Variants in PCDH15 observed in about 807,000 individuals in gnomAD.
The protein encoded by PCDH15 is protocadherin related 15.
In PCDH15, 129 loss-of-function variants were observed where a neutral mutation model predicts 178.5. The ratio of observed to expected loss-of-function variants is 0.72; its 90% CI spans 0.63 to 0.84. The LOEUF is 0.84. Ranked by LOEUF, PCDH15 falls within the 40% of genes least tolerant of loss-of-function variation. PCDH15 has a pLI of 0.00. For synonymous variants in PCDH15, 800 were observed against 732.0 expected (o/e 1.09, Z -1.50); for missense variants, 2,230 against 2,099.9 (o/e 1.06, Z -1.21).
chr10:54,545,567 G>A (rs181628601), intron 2 of PCDH15, among the ~76,000 whole-genome samples: 25 of 152,132 alleles, frequency 1.6e-4, no homozygotes, highest in African/African-American at 5.8e-4. Flanking sequence ...AGCAAGGAAG[G>A]AGGGAAGGAA....
intron 2 of PCDH15, among the ~76,000 whole-genome samples, chr10:55,447,214 T>A (rs1839336821): frequency 6.6e-6 from 1 of 152,038 alleles, no homozygotes; most frequent in Non-Finnish European, 1.5e-5. Flanking sequence ...AACGTTTTCA[T>A]ATAAACCATA....
At chr10:54,985,786 A>G (rs1289279358) in intron 2 of PCDH15, among the ~76,000 whole-genome samples, 1 of 152,232 alleles carries the variant, frequency 6.6e-6, no homozygotes, top group Non-Finnish European at 1.5e-5. Context: ...AAGTTGAAGC[A>G]TTGTAAGTCA....
intron 1 of PCDH15, among the ~76,000 whole-genome samples, chr10:54,673,566 G>A (rs2094719586): frequency 6.6e-6 from 1 of 151,986 alleles, no homozygotes; most frequent in Non-Finnish European, 1.5e-5. Flanking sequence ...AGCCTCCCGA[G>A]TAGCTGGGAT....
intron 16 of PCDH15, among the ~76,000 whole-genome samples, chr10:54,086,850 T>A (rs1292617554): frequency 6.6e-6 from 1 of 152,168 alleles, no homozygotes; most frequent in Non-Finnish European, 1.5e-5. Flanking sequence ...AGAATCATGG[T>A]CAATTTAGAC....
intron 10 of PCDH15, among the ~76,000 whole-genome samples, chr10:54,205,611 T>C (rs2050722325): frequency 6.6e-6 from 1 of 151,644 alleles, no homozygotes; most frequent in African/African-American, 2.4e-5. Context: ...GTTTTTGCCA[T>C]TAAAAGTAAT....
intron 2 of PCDH15, among the ~76,000 whole-genome samples, chr10:54,647,731 A>G (rs1036099069): frequency 6.6e-6 from 1 of 152,098 alleles, no homozygotes; most frequent in African/African-American, 2.4e-5. Flanking sequence ...ATAAGATAGT[A>G]TATACTTGAT....
intron 3 of PCDH15, among the ~76,000 whole-genome samples, chr10:54,440,790 CTA>C (rs2075751339): frequency 6.6e-6 from 1 of 151,792 alleles, no homozygotes; most frequent in African/African-American, 2.4e-5. Flanking sequence ...TAATATTACT[CTA>C]TGTCGGAAGT....
chr10:54,854,554 G>C (rs992322784), intron 3 of PCDH15, among the ~76,000 whole-genome samples: 2 of 152,096 alleles, frequency 1.3e-5, no homozygotes, highest in Non-Finnish European at 2.9e-5. Context: ...GTGTCCCAAT[G>C]AGTGTTCAGC....
At chr10:55,460,838 T>C (rs982589775) in intron 2 of PCDH15, among the ~76,000 whole-genome samples, 3 of 152,124 alleles carry the variant, frequency 2.0e-5, no homozygotes, top group African/African-American at 7.2e-5. Context: ...ATAAATCCAC[T>C]TGGGCTTTGT....
chr10:54,404,528 A>G (rs1160062762), intron 3 of PCDH15, among the ~76,000 whole-genome samples: 1 of 152,136 alleles, frequency 6.6e-6, no homozygotes, highest in Non-Finnish European at 1.5e-5. Context: ...CTCAAGATGC[A>G]TTAAAGACTT....
chr10:53,806,803 T>C lies in PCDH15; in HGVS notation c.4999A>G (p.Arg1667Gly). ...GPFSTEKMNA[R>G]PTLVTFAPCP... is the part of the protein sequence containing the mutation. ...GGGGCAAATGTAACCAGAGTTGGTC[T>C]TGCATTCATTTTTTCAGTAGAAAAT... Residue 1667 changes from arginine to glycine, a missense_variant, in exon 38 of 38, where the codon AGA becomes GGA. Transcript: ENST00000644397. 6.2e-7 allele frequency: 1 copy of C among 1,613,814 alleles called. No homozygotes were observed. The highest frequency in any genetic ancestry group is 8.5e-7 in the Non-Finnish European group (1 of 1,179,816).
At chr10:55,529,706 T>C (rs1229570152) in intron 2 of PCDH15, among the ~76,000 whole-genome samples, 1 of 141,264 alleles carries the variant, frequency 7.1e-6, no homozygotes, top group Non-Finnish European at 1.5e-5. Flanking sequence ...TAAATATATA[T>C]ATGTGTGTAT....
intron 1 of PCDH15, among the ~76,000 whole-genome samples, chr10:55,296,167 C>T (rs1203684424): frequency 6.6e-6 from 1 of 152,138 alleles, no homozygotes; most frequent in East Asian, 1.9e-4. Context: ...TCAAGGTGTG[C>T]TACCCTCCCA....
intron 2 of PCDH15, among the ~76,000 whole-genome samples, chr10:55,063,666 T>C (rs1841495925): frequency 6.6e-6 from 1 of 152,118 alleles, no homozygotes; most frequent in Non-Finnish European, 1.5e-5. Context: ...TACTGAAAAG[T>C]AGAACCAACA....
intron 3 of PCDH15, among the ~76,000 whole-genome samples, chr10:54,471,578 G>A (rs2077921553): frequency 6.6e-6 from 1 of 151,296 alleles, no homozygotes; most frequent in South Asian, 2.1e-4. Context: ...TATACTATTG[G>A]CATATAGTAG....
chr10:54,134,526 G>T (rs1268584506), intron 14 of PCDH15, among the ~76,000 whole-genome samples: 1 of 151,858 alleles, frequency 6.6e-6, no homozygotes, highest in Non-Finnish European at 1.5e-5. Context: ...GGCCGAGGCA[G>T]GTGGATCATG....
At chr10:55,169,288 G>A (rs567722161) in intron 1 of PCDH15, among the ~76,000 whole-genome samples, 5 of 152,194 alleles carry the variant, frequency 3.3e-5, no homozygotes, top group East Asian at 3.9e-4. Context: ...ATTTGAAAAC[G>A]TCGTGTTGCA....
chr10:55,522,362 T>C (rs965115904), intron 2 of PCDH15, among the ~76,000 whole-genome samples: 6 of 151,860 alleles, frequency 4.0e-5, no homozygotes, highest in African/African-American at 1.4e-4. Flanking sequence ...AAATATGCTA[T>C]TTCCCTATTG....
intron 2 of PCDH15, among the ~76,000 whole-genome samples, chr10:54,981,033 TA>T (rs200857391): frequency 9.9e-5 from 15 of 151,000 alleles, no homozygotes; most frequent in African/African-American, 2.9e-4. Context: ...CCATCAAAGT[TA>T]AAAAAAAATG....
Sources: allele counts gnomAD v4.1 joint callset (sites outside exome capture counted in the v4.1 genomes callset), GRCh38; gene constraint gnomAD v4.1.1; transcripts MANE v1.5; gene names NCBI Gene and HGNC (gene_info 2026-07-23, HGNC 2026-07-21).